LRIG2: variants seen among roughly 807,000 people sequenced by gnomAD.
LRIG2 encodes the protein leucine-rich repeats and immunoglobulin-like domains protein 2.
LRIG2 carries 93 observed loss-of-function variants against 107.8 expected under a neutral mutation model. The ratio of observed to expected loss-of-function variants is 0.86; its 90% CI spans 0.73 to 1.03. LRIG2 has a LOEUF of 1.03. Ranked by LOEUF, LRIG2 falls within the 50% of genes least tolerant of loss-of-function variation. LRIG2 has a pLI of 0.00. For synonymous variants in LRIG2, 471 were observed against 470.6 expected (o/e 1.00, Z -0.01); for missense variants, 1,226 against 1,296.0 (o/e 0.95, Z 0.83).
At chr1:113,119,585 A>G (rs1655163269) in intron 17 of LRIG2, 62 bp downstream of exon 17, 3 of 1,491,422 alleles carry the variant, frequency 2.0e-6, no homozygotes, top group Admixed American at 1.9e-5. Context: ...TCTTCCTTCT[A>G]TCATATAGGT....
intron 11 of LRIG2, among the ~76,000 whole-genome samples, chr1:113,107,257 A>T (rs1260139466): frequency 6.6e-6 from 1 of 152,224 alleles, no homozygotes; most frequent in African/African-American, 2.4e-5. Context: ...ATTAACTAAT[A>T]CAGAGTCCAT....
rs915454735 is a variant in LRIG2, at chr1:113,073,617, G to A, written c.211G>A (p.Gly71Ser). The A allele has an allele frequency of 3.1e-6, 5 of 1,613,274 alleles. No individual in the cohort carries two copies. The Admixed American group carries it at 5.0e-5, about 16-fold the overall frequency. ...CGCACCGAGCTGGAGGGCGCTGTCG[G>A]GCTTGCTGCCCCCCGACACCGCTAT... ...LPAPSWRALS[G>S]LLPPDTAILD... The change falls in exon 1 of 18, where the codon GGC becomes AGC. Residue 71 changes from glycine to serine, a missense_variant. By Grantham distance (56) the Gly-to-Ser change is moderately conservative (BLOSUM62 0). Transcript: ENST00000361127.
chr1:113,078,593 A>G (rs774108574), intron 1 of LRIG2, among the ~76,000 whole-genome samples: 4 of 150,828 alleles, frequency 2.7e-5, no homozygotes, highest in Non-Finnish European at 5.9e-5. Context: ...CCTGTATTTC[A>G]TATTTCCTTC....
rs1180572104 is a variant in LRIG2 at position 113,124,831 on chromosome 1, C to G, written c.*730C>G. Reference sequence around the variant, plus strand: ...TATTGACAAGTAGCTTCTCAGATCACAGATTTTAAATAACTCAATTTAGTG... The same window carrying G: ...TATTGACAAGTAGCTTCTCAGATCAGAGATTTTAAATAACTCAATTTAGTG... On this transcript the variant is annotated 3_prime_UTR_variant, in exon 18 of 18. Transcript: ENST00000361127. 1 of 152,056 alleles carries G rather than the reference C, an allele frequency of 6.6e-6. No homozygotes were observed. The highest frequency in any genetic ancestry group is 1.5e-5 in the Non-Finnish European group (1 of 68,020). 9.4% of individuals were successfully genotyped at this position (152,056 alleles called of 1,614,324 possible).
chr1:113,081,535 G>A (rs935134807), intron 1 of LRIG2, among the ~76,000 whole-genome samples: 4 of 152,074 alleles, frequency 2.6e-5, no homozygotes, highest in Admixed American at 6.6e-5. Context: ...ATATTGGCCA[G>A]GATAGTCTCG....
intron 14 of LRIG2, among the ~76,000 whole-genome samples, chr1:113,113,788 C>G (rs2101059652): frequency 6.6e-6 from 1 of 151,974 alleles, no homozygotes; most frequent in South Asian, 2.1e-4. Flanking sequence ...GTCTCGAACT[C>G]CTGACCTCAT....
rs1654723364 is a variant in LRIG2, at chr1:113,110,408, TG to T, written c.1645del (p.Val549PhefsTer22). 6.2e-7 allele frequency: 1 copy of T among 1,614,124 alleles called. No individual in the cohort carries two copies. Among genetic ancestry groups the T allele is most frequent in the African/African-American group, 1.3e-5 (1 of 74,948 alleles). The part of the protein sequence containing the change: ...ILYDVDTENF[V>X]RYWQQAGEAL... Reference sequence around the variant, plus strand: ...TGTATGACGTGGATACTGAGAATTTTGTTCGTTATTGGCAGCAAGCTGGAGA... The same window carrying T: ...TGTATGACGTGGATACTGAGAATTTTTTCGTTATTGGCAGCAAGCTGGAGA... On this transcript the variant is annotated frameshift_variant, in exon 13 of 18. Coordinates refer to ENST00000361127, the MANE Select transcript of LRIG2 (RefSeq NM_014813.3). LOFTEE classifies it high-confidence loss of function.
At chr1:113,095,337 A>G (rs1198838544) in intron 6 of LRIG2, among the ~76,000 whole-genome samples, 4 of 151,720 alleles carry the variant, frequency 2.6e-5, no homozygotes, top group African/African-American at 9.7e-5. Context: ...CAGGTATACT[A>G]TACCACTTGG....
At chr1:113,083,326 C>A (rs1437803623) in intron 1 of LRIG2, among the ~76,000 whole-genome samples, 3 of 148,768 alleles carry the variant, frequency 2.0e-5, no homozygotes, top group African/African-American at 4.9e-5. Context: ...AGGCATGAGC[C>A]ACCACACCTG....
chr1:113,111,756 T>C (rs1410950889), intron 13 of LRIG2, among the ~76,000 whole-genome samples: 1 of 150,476 alleles, frequency 6.6e-6, no homozygotes, highest in Non-Finnish European at 1.5e-5. Flanking sequence ...ATGATACTTT[T>C]GAAGGCATAA....
chr1:113,093,471 A>G lies in LRIG2; in HGVS notation c.422A>G (p.Gln141Arg). ...IIPEINAQAL[Q>R]FYPALESLDL... The stretch of plus-strand genomic sequence containing the variant: ...CCAGAAATAAATGCACAGGCACTCC[A>G]GTTTTACCCTGCTCTGGAGAGTTTA... Residue 141 changes from glutamine to arginine, a missense_variant, in exon 4 of 18, where the codon CAG becomes CGG. Transcript: ENST00000361127. 1 of 1,613,602 alleles carries G rather than the reference A, an allele frequency of 6.2e-7. No homozygotes were observed. Among genetic ancestry groups the G allele is most frequent in the Non-Finnish European group, 8.5e-7 (1 of 1,179,556 alleles).
intron 11 of LRIG2, among the ~76,000 whole-genome samples, chr1:113,106,627 A>G (rs1429129728): frequency 1.3e-5 from 2 of 151,852 alleles, no homozygotes; most frequent in Non-Finnish European, 2.9e-5. Context: ...GCCTCAGCCT[A>G]CCAAGTAGCT....
intron 17 of LRIG2, 113 bp downstream of exon 17, chr1:113,119,636 G>T: frequency 1.2e-6 from 1 of 862,932 alleles, no homozygotes; most frequent in Non-Finnish European, 1.8e-6. Context: ...TGGGTATATA[G>T]GAGTAACTGG....
At position 113,075,717 on chromosome 1, in the gene LRIG2, T is replaced by G. The variant is rs573662544; in HGVS notation, c.239+2072T>G. 5.0e-3 allele frequency among the ~76,000 whole-genome samples: 636 copies of G among 128,162 alleles called. 2 individuals carry two copies. Among genetic ancestry groups the G allele is most frequent in the Non-Finnish European group, 7.9e-3 (493 of 62,406 alleles). The allele number at this position is 128,162 out of a possible 152,430, so 84.1% of individuals were successfully genotyped here. A position where few individuals can be genotyped will look rare whatever the true frequency, so the allele number is the denominator to read the frequency against. Reference sequence around the variant, plus strand: ...CTTTTTTTTTTTTTTTTTTTTGAGATGGAGTCGCGCTCTTGTTGCCCAGGC... The same window carrying G: ...CTTTTTTTTTTTTTTTTTTTTGAGAGGGAGTCGCGCTCTTGTTGCCCAGGC... On this transcript the variant is annotated intron_variant, in intron 1 of 17. Coordinates refer to ENST00000361127, the MANE Select transcript of LRIG2 (RefSeq NM_014813.3).
intron 16 of LRIG2, among the ~76,000 whole-genome samples, chr1:113,118,192 T>TA (rs1655098211): frequency 6.6e-6 from 1 of 152,234 alleles, no homozygotes; most frequent in Non-Finnish European, 1.5e-5. Context: ...GTGCTGGGCT[T>TA]ACAGGCATGA....
intron 1 of LRIG2, 61 bp downstream of exon 1, chr1:113,073,706 C>A: frequency 1.4e-6 from 2 of 1,473,204 alleles, no homozygotes; most frequent in Non-Finnish European, 1.9e-6. Context: ...CTACAGGGGG[C>A]AGGCAGGAGG....
chr1:113,077,142 A>G (rs989034276), intron 1 of LRIG2, among the ~76,000 whole-genome samples: 2 of 150,688 alleles, frequency 1.3e-5, no homozygotes, highest in Non-Finnish European at 3.0e-5. Flanking sequence ...AGACTGTTAA[A>G]TTTTTTTTCT....
intron 3 of LRIG2, 61 bp downstream of exon 3, chr1:113,093,341 A>T (rs1034766160): frequency 2.6e-5 from 38 of 1,489,832 alleles, no homozygotes; most frequent in East Asian, 4.6e-5. Flanking sequence ...TTTTTTTTTT[A>T]AAGCACATAT....
chr1:113,110,678 T>C (rs780814574), intron 13 of LRIG2, 116 bp downstream of exon 13: 12 of 779,018 alleles, frequency 1.5e-5, no homozygotes, highest in African/African-American at 3.5e-5. Context: ...CTTACTGTTA[T>C]TGTCTTTTGA....
Sources: allele counts gnomAD v4.1 joint callset (sites outside exome capture counted in the v4.1 genomes callset), GRCh38; gene constraint gnomAD v4.1.1; transcripts MANE v1.5; gene names NCBI Gene and HGNC (gene_info 2026-07-23, HGNC 2026-07-21).